Variants in ARHGAP26 observed in about 807,000 individuals in gnomAD.
The protein encoded by ARHGAP26 is Rho GTPase activating protein 26.
In ARHGAP26, 38 loss-of-function variants were observed where a neutral mutation model predicts 104.8. That is an observed-to-expected ratio of 0.36 (90% CI 0.28 to 0.48). The LOEUF is 0.48. Among genes scored for constraint, ARHGAP26 ranks in the 20% least tolerant of loss-of-function variants. The probability of loss-of-function intolerance (pLI) is 0.99; values close to 1 mark genes in which losing one functional copy is unlikely to be tolerated. For synonymous variants in ARHGAP26, 341 were observed against 340.0 expected (o/e 1.00, Z -0.03); for missense variants, 704 against 947.9 (o/e 0.74, Z 3.38).
At chr5:142,937,513 T>TA (rs1320112648) in intron 11 of ARHGAP26, among the ~76,000 whole-genome samples, 1 of 152,216 alleles carries the variant, frequency 6.6e-6, no homozygotes, top group African/African-American at 2.4e-5. Context: ...ATATTGCTGT[T>TA]ACTCTATGAC....
intron 12 of ARHGAP26, among the ~76,000 whole-genome samples, chr5:143,028,239 T>A (rs1781360955): frequency 6.6e-6 from 1 of 152,200 alleles, no homozygotes; most frequent in Admixed American, 6.5e-5. Flanking sequence ...ATGTAGTCTG[T>A]GCTCAGTAAG....
At chr5:142,949,205 G>GAGAGAGAGAGAGAGAGAA (rs1767813450) in intron 11 of ARHGAP26, among the ~76,000 whole-genome samples, 1 of 48,940 alleles carries the variant, frequency 2.0e-5, no homozygotes, top group Non-Finnish European at 3.3e-5. Flanking sequence ...GAGAGAGAGA[G>GAGAGAGAGAGAGAGAGAA]AGAGAGAGAG....
At chr5:142,967,925 G>T (rs1040111582) in intron 11 of ARHGAP26, among the ~76,000 whole-genome samples, 2 of 152,176 alleles carry the variant, frequency 1.3e-5, no homozygotes, top group East Asian at 3.9e-4. Flanking sequence ...TGGAGAGGTG[G>T]TCCTTGCTAC....
chr5:142,987,402 G>C (rs550328705), intron 11 of ARHGAP26, among the ~76,000 whole-genome samples: 3,558 of 150,718 alleles, frequency 0.024, 146 homozygotes, highest in African/African-American at 0.081. Context: ...TGGGCTGAGA[G>C]GATGGGGTTT....
At chr5:143,018,576 A>G (rs552773512) in intron 12 of ARHGAP26, among the ~76,000 whole-genome samples, 2 of 152,344 alleles carry the variant, frequency 1.3e-5, no homozygotes, top group African/African-American at 4.8e-5. Context: ...TAGTTTTCCT[A>G]TCAACATCTA....
intron 18 of ARHGAP26, among the ~76,000 whole-genome samples, chr5:143,133,321 T>C (rs1488513409): frequency 6.6e-6 from 1 of 152,212 alleles, no homozygotes; most frequent in East Asian, 1.9e-4. Context: ...GAGACTTTTC[T>C]GCATTTTTCA....
chr5:143,118,803 G>C (rs557968617), intron 17 of ARHGAP26, among the ~76,000 whole-genome samples: 47 of 152,046 alleles, frequency 3.1e-4, no homozygotes, highest in South Asian at 1.5e-3. Flanking sequence ...GTGGGGAGAG[G>C]GGGGAGGGAT....
At chr5:143,025,603 T>C (rs1780935991) in intron 12 of ARHGAP26, among the ~76,000 whole-genome samples, 1 of 152,246 alleles carries the variant, frequency 6.6e-6, no homozygotes, top group Non-Finnish European at 1.5e-5. Flanking sequence ...ATGGTCCTGA[T>C]TAAGCTGGTC....
chr5:143,093,899 T>C (rs1286881700), intron 17 of ARHGAP26, among the ~76,000 whole-genome samples: 1 of 152,210 alleles, frequency 6.6e-6, no homozygotes, highest in Non-Finnish European at 1.5e-5. Flanking sequence ...TTTTAGAGGT[T>C]CAACTCCCAC....
Position 142,974,162 on chromosome 5 carries a change from G to A in ARHGAP26, c.1108-39918G>A, listed in dbSNP as rs56182620. Among the ~76,000 whole-genome samples the A allele has an allele frequency of 6.1e-4, 91 of 150,168 alleles. 1 individual carries two copies. The highest frequency in any genetic ancestry group is 2.1e-3 in the African/African-American group (85 of 40,974). On this transcript the variant is annotated intron_variant, in intron 11 of 22. Coordinates refer to ENST00000645722, the MANE Select transcript of ARHGAP26 (RefSeq NM_001135608.3). ...GTGTGCATCTGACTTTGGTCATTCC[G>A]TTGCTATCCTGTTCCATTTATCCCT... is the stretch of plus-strand genomic sequence containing the variant.
intron 22 of ARHGAP26, among the ~76,000 whole-genome samples, chr5:143,216,010 G>A (rs1386516303): frequency 1.3e-5 from 2 of 152,150 alleles, no homozygotes; most frequent in African/African-American, 2.4e-5. Flanking sequence ...CCGTGTTTAA[G>A]TGTTTGAGGA....
At chr5:143,065,896 C>T (rs1787407613) in intron 17 of ARHGAP26, among the ~76,000 whole-genome samples, 1 of 152,204 alleles carries the variant, frequency 6.6e-6, no homozygotes, top group East Asian at 1.9e-4. Flanking sequence ...AATTGTTCAA[C>T]AGCCTCTTTG....
In ARHGAP26 at chr5:143,048,801, C is replaced by G. The variant is rs1020215434; in HGVS notation, c.1286-5638C>G. Reference sequence around the variant, plus strand: ...TGGTGGTGCACATCTGTAGTCCCAGCTACTCAGGAGGCTGAGGCAGGAGAA... The same window carrying G: ...TGGTGGTGCACATCTGTAGTCCCAGGTACTCAGGAGGCTGAGGCAGGAGAA... On this transcript the variant is annotated intron_variant, in intron 14 of 22. Transcript: ENST00000645722. Among the ~76,000 whole-genome samples the G allele has an allele frequency of 1.2e-4, 18 of 151,482 alleles. 1 individual carries two copies. Among genetic ancestry groups the G allele is most frequent in the Admixed American group, 5.3e-4 (8 of 15,234 alleles).
intron 5 of ARHGAP26, among the ~76,000 whole-genome samples, chr5:142,890,151 A>AAAAAAT (rs1252590997): frequency 3.1e-4 from 10 of 32,430 alleles, no homozygotes; most frequent in South Asian, 1.5e-3. Context: ...AAAAAAAAAA[A>AAAAAAT]ATATATATAT....
At chr5:143,029,496 G>T (rs371059300) in intron 12 of ARHGAP26, among the ~76,000 whole-genome samples, 3 of 143,134 alleles carry the variant, frequency 2.1e-5, no homozygotes. Flanking sequence ...CCTCAACCTC[G>T]TGGGCTCAAG....
intron 1 of ARHGAP26, among the ~76,000 whole-genome samples, chr5:142,792,139 G>C (rs1237256198): frequency 6.6e-6 from 1 of 152,126 alleles, no homozygotes; most frequent in Non-Finnish European, 1.5e-5. Flanking sequence ...CAGCGTTTCT[G>C]TGTTGGAACC....
intron 1 of ARHGAP26, among the ~76,000 whole-genome samples, chr5:142,797,479 T>A (rs1171113762): frequency 1.3e-5 from 2 of 152,224 alleles, no homozygotes; most frequent in African/African-American, 2.4e-5. Context: ...GGCAGAGACT[T>A]GGATTCTGCT....
At chr5:143,060,322 G>C (rs1250313651) in intron 17 of ARHGAP26, among the ~76,000 whole-genome samples, 2 of 152,100 alleles carry the variant, frequency 1.3e-5, no homozygotes, top group African/African-American at 4.8e-5. Flanking sequence ...CAAGCATTTT[G>C]TATTGTATAT....
At chr5:143,073,564 C>T (rs913238929) in intron 17 of ARHGAP26, among the ~76,000 whole-genome samples, 1 of 152,188 alleles carries the variant, frequency 6.6e-6, no homozygotes, top group African/African-American at 2.4e-5. Context: ...AGCATTGGCC[C>T]AGCAGGCAAG....
Sources: allele counts gnomAD v4.1 joint callset (sites outside exome capture counted in the v4.1 genomes callset), GRCh38; gene constraint gnomAD v4.1.1; transcripts MANE v1.5; gene names NCBI Gene and HGNC (gene_info 2026-07-23, HGNC 2026-07-21).